Variants in RCAN2 observed in about 807,000 individuals in gnomAD.
The protein encoded by RCAN2 is regulator of calcineurin 2.
A neutral mutation model predicts 23.6 loss-of-function variants in RCAN2; 9 were observed. The observed-to-expected ratio is 0.38, with a 90% CI of 0.23 to 0.67. RCAN2 has a LOEUF of 0.67. RCAN2 is among the 30% of genes least tolerant of loss of function. RCAN2 has a pLI of 0.51. For missense variants in RCAN2, 273 were observed against 302.3 expected, an observed-to-expected ratio of 0.90 and a Z score of 0.72; for synonymous variants, 109 against 115.7, an observed-to-expected ratio of 0.94 and a Z score of 0.37.
At chr6:46,433,941 C>T (rs974874648) in intron 2 of RCAN2, among the ~76,000 whole-genome samples, 4 of 152,140 alleles carry the variant, frequency 2.6e-5, no homozygotes, top group Admixed American at 6.5e-5. Context: ...ATTGGTGGAG[C>T]GGGTAAGTGC....
chr6:46,255,288 A>G (rs886851987), intron 2 of RCAN2, among the ~76,000 whole-genome samples: 1 of 152,070 alleles, frequency 6.6e-6, no homozygotes, highest in Non-Finnish European at 1.5e-5. Flanking sequence ...GGATAGGAGA[A>G]GAAACATGAA....
At chr6:46,397,169 T>C (rs1354963607) in intron 2 of RCAN2, among the ~76,000 whole-genome samples, 2 of 152,172 alleles carry the variant, frequency 1.3e-5, no homozygotes, top group Non-Finnish European at 2.9e-5. Flanking sequence ...TTTCACAATA[T>C]ATGCTCTAGT....
intron 2 of RCAN2, among the ~76,000 whole-genome samples, chr6:46,413,274 A>G (rs1349687816): frequency 6.6e-6 from 1 of 152,228 alleles, no homozygotes; most frequent in East Asian, 1.9e-4. Context: ...ATAAAATAAG[A>G]GCAGAAGTGT....
intron 2 of RCAN2, among the ~76,000 whole-genome samples, chr6:46,379,574 G>A (rs574203685): frequency 4.6e-5 from 7 of 152,098 alleles, no homozygotes; most frequent in Non-Finnish European, 1.0e-4. Context: ...GCTTTTGATG[G>A]TTTTGCAATA....
chr6:46,398,118 T>C (rs1355703845), intron 2 of RCAN2, among the ~76,000 whole-genome samples: 1 of 152,196 alleles, frequency 6.6e-6, no homozygotes, highest in Non-Finnish European at 1.5e-5. Flanking sequence ...AAAGCTGCTC[T>C]CATGTTTTGC....
At chr6:46,296,250 G>C (rs998159201) in intron 2 of RCAN2, among the ~76,000 whole-genome samples, 6 of 143,130 alleles carry the variant, frequency 4.2e-5, no homozygotes, top group Non-Finnish European at 8.8e-5. Context: ...AGTCCAGAGA[G>C]ATTGAGCCAC....
At chr6:46,315,403 G>A (rs1763399861) in intron 2 of RCAN2, among the ~76,000 whole-genome samples, 1 of 152,194 alleles carries the variant, frequency 6.6e-6, no homozygotes, top group Non-Finnish European at 1.5e-5. Context: ...AGCGGGGCCT[G>A]TGGTCTGTGT....
intron 2 of RCAN2, among the ~76,000 whole-genome samples, chr6:46,445,276 A>G (rs1767674024): frequency 6.6e-6 from 1 of 152,100 alleles, no homozygotes; most frequent in Admixed American, 6.5e-5. Flanking sequence ...CGTTTATCCC[A>G]GTAGATCCAG....
chr6:46,367,022 G>GATATATATATATATATGTATATATAT (rs1765191535), intron 2 of RCAN2, among the ~76,000 whole-genome samples: 1 of 59,690 alleles, frequency 1.7e-5, no homozygotes, highest in Non-Finnish European at 3.9e-5. Flanking sequence ...ATCTGGGATG[G>GATATATATATATATATGTATATATAT]ATATATATAT....
intron 2 of RCAN2, among the ~76,000 whole-genome samples, chr6:46,353,801 T>C (rs190833811): frequency 8.0e-4 from 122 of 152,296 alleles, no homozygotes; most frequent in South Asian, 6.0e-3. Context: ...AGCAGTTGCT[T>C]ACATGCATTT....
chr6:46,408,096 C>T (rs1766451892), intron 2 of RCAN2, among the ~76,000 whole-genome samples: 1 of 152,206 alleles, frequency 6.6e-6, no homozygotes, highest in Admixed American at 6.5e-5. Context: ...ATTTTCTGGT[C>T]AGAGTCCTTC....
chr6:46,375,757 A>G (rs1229516586), intron 2 of RCAN2, among the ~76,000 whole-genome samples: 1 of 152,256 alleles, frequency 6.6e-6, no homozygotes, highest in Non-Finnish European at 1.5e-5. Context: ...AACCATGGAC[A>G]ATATATAAAA....
intron 4 of RCAN2, among the ~76,000 whole-genome samples, chr6:46,236,231 G>A (rs183313815): frequency 2.6e-4 from 39 of 152,342 alleles, no homozygotes; most frequent in African/African-American, 7.9e-4. Flanking sequence ...AGGGGTGAAC[G>A]ATAACAGGCT....
At chr6:46,258,082 A>C (rs1181292671) in intron 2 of RCAN2, among the ~76,000 whole-genome samples, 1 of 152,248 alleles carries the variant, frequency 6.6e-6, no homozygotes, top group Non-Finnish European at 1.5e-5. Flanking sequence ...TTAATAAGAA[A>C]TTTGGCATCT....
At chr6:46,249,921 A>T (rs971471658) in intron 2 of RCAN2, among the ~76,000 whole-genome samples, 1 of 152,282 alleles carries the variant, frequency 6.6e-6, no homozygotes, top group South Asian at 2.1e-4. Flanking sequence ...GAAAAAAAAA[A>T]TCTCTATTGC....
intron 2 of RCAN2, among the ~76,000 whole-genome samples, chr6:46,281,270 G>A (rs932137125): frequency 2.0e-5 from 3 of 152,208 alleles, no homozygotes; most frequent in Non-Finnish European, 4.4e-5. Flanking sequence ...TATTATAGGG[G>A]TTTGCAAGAC....
At chr6:46,355,560 A>G (rs1764804810) in intron 2 of RCAN2, among the ~76,000 whole-genome samples, 1 of 152,136 alleles carries the variant, frequency 6.6e-6, no homozygotes, top group Non-Finnish European at 1.5e-5. Context: ...CTCAGCTCAG[A>G]CCCTACAGCT....
chr6:46,449,702 G>A (rs1295070270), intron 2 of RCAN2, among the ~76,000 whole-genome samples: 1 of 151,718 alleles, frequency 6.6e-6, no homozygotes, highest in Non-Finnish European at 1.5e-5. Context: ...CCACAAAGGT[G>A]CCAAGAACAC....
intron 2 of RCAN2, among the ~76,000 whole-genome samples, chr6:46,286,436 AAAGT>A (rs1469883127): frequency 6.6e-6 from 1 of 152,286 alleles, no homozygotes; most frequent in African/African-American, 2.4e-5. Context: ...TCATTCCCTA[AAAGT>A]AAGGATATAA....
Sources: gnomAD v4.1 joint callset for allele counts (sites outside exome capture counted in the v4.1 genomes callset) on GRCh38, gnomAD v4.1.1 for gene constraint, MANE v1.5 for transcripts, NCBI Gene and HGNC (gene_info 2026-07-23, HGNC 2026-07-21) for gene names.